CNTN6: variants seen among roughly 807,000 people sequenced by gnomAD.
CNTN6 encodes contactin 6, also known as contactin-6.
CNTN6 carries 137 observed loss-of-function variants against 122.8 expected under a neutral mutation model. The observed-to-expected ratio is 1.12, with a 90% CI of 0.97 to 1.29. CNTN6 has a LOEUF of 1.29. Among genes scored for constraint, CNTN6 ranks in the 50% most tolerant of loss-of-function variants. The pLI is 0.00. For missense variants in CNTN6, 1,634 were observed against 1,223.4 expected (o/e 1.34, Z -5.01); for synonymous variants, 570 against 426.0 (o/e 1.34, Z -4.16).
In CNTN6 at chr3:1,403,454, A is replaced by AT; in HGVS notation, c.*36_*37insT. ...CATAAATCTTTGAGAGTTTTTTGAAAGCAAATCATTCTGTATATATGCTCT... is the reference window on the plus strand; with the variant it reads ...CATAAATCTTTGAGAGTTTTTTGAAATGCAAATCATTCTGTATATATGCTCT... On this transcript the variant is annotated 3_prime_UTR_variant, in exon 23 of 23. Coordinates refer to ENST00000446702, the MANE Select transcript of CNTN6 (RefSeq NM_001289080.2). The AT allele has an allele frequency of 7.2e-7, 1 of 1,394,980 alleles. No homozygotes were observed. The highest frequency in any genetic ancestry group is 1.2e-5 in the South Asian group (1 of 86,028). 86.4% of individuals were successfully genotyped at this position (1,394,980 alleles called of 1,614,324 possible).
rs757522933 is a variant in CNTN6, at chr3:1,372,332, T to C, written c.1526T>C (p.Met509Thr). The C allele has an allele frequency of 5.6e-6, 9 of 1,610,794 alleles. No homozygotes were observed. Among genetic ancestry groups the C allele is most frequent in the Non-Finnish European group, 7.6e-6 (9 of 1,178,704 alleles). The change falls in exon 13 of 23, where the codon ATG becomes ACG. Residue 509 changes from methionine to threonine, a missense_variant. Coordinates refer to ENST00000446702, the MANE Select transcript of CNTN6 (RefSeq NM_001289080.2). ...RTVITVPPSK[M>T]DVTVGESIVL... ...GTCATTACCGTCCCACCTTCCAAAA[T>C]GGATGTTACAGTTGGCGAGAGTATA...
chr3:1,335,748 G>T (rs1054173860), intron 11 of CNTN6, among the ~76,000 whole-genome samples: 2 of 152,138 alleles, frequency 1.3e-5, no homozygotes, highest in Non-Finnish European at 2.9e-5. Context: ...ATTGAATCTG[G>T]TTGGGTGCAG....
At chr3:1,247,109 T>G (rs1014975391) in intron 4 of CNTN6, among the ~76,000 whole-genome samples, 11 of 152,222 alleles carry the variant, frequency 7.2e-5, no homozygotes, top group African/African-American at 2.7e-4. Flanking sequence ...CATATTTTCC[T>G]GTTATCTTCT....
At chr3:1,317,348 C>A (rs1325769346) in intron 7 of CNTN6, among the ~76,000 whole-genome samples, 1 of 151,734 alleles carries the variant, frequency 6.6e-6, no homozygotes, top group African/African-American at 2.4e-5. Context: ...ACCTAGCTAG[C>A]ATTTGAACTG....
intron 12 of CNTN6, among the ~76,000 whole-genome samples, chr3:1,359,032 C>G (rs1343453960): frequency 6.6e-6 from 1 of 151,982 alleles, no homozygotes; most frequent in Non-Finnish European, 1.5e-5. Flanking sequence ...TGTACTCCAG[C>G]CTAGGCAATA....
intron 2 of CNTN6, among the ~76,000 whole-genome samples, chr3:1,183,028 G>T (rs138191053): frequency 6.6e-6 from 1 of 151,982 alleles, no homozygotes; most frequent in African/African-American, 2.4e-5. Context: ...GCATAATTCC[G>T]CAGGCATGGC....
intron 4 of CNTN6, among the ~76,000 whole-genome samples, chr3:1,266,185 G>A (rs1289008128): frequency 6.6e-6 from 1 of 151,914 alleles, no homozygotes; most frequent in Non-Finnish European, 1.5e-5. Context: ...TTATTTAATA[G>A]TCTCTCTTTC....
At chr3:1,369,000 C>T (rs1008815001) in intron 12 of CNTN6, among the ~76,000 whole-genome samples, 2 of 152,172 alleles carry the variant, frequency 1.3e-5, no homozygotes, top group African/African-American at 2.4e-5. Context: ...TCATCTTCTT[C>T]GCTTTCACTC....
intron 5 of CNTN6, among the ~76,000 whole-genome samples, chr3:1,287,395 A>T (rs1365852665): frequency 6.6e-6 from 1 of 152,206 alleles, no homozygotes; most frequent in Non-Finnish European, 1.5e-5. Flanking sequence ...AACTATCCTT[A>T]GTTGAAAACC....
intron 2 of CNTN6, among the ~76,000 whole-genome samples, chr3:1,152,816 C>G (rs9883743): frequency 9.1e-4 from 139 of 152,200 alleles, no homozygotes; most frequent in African/African-American, 3.2e-3. Flanking sequence ...AGAGATAGCA[C>G]AATTTTATCT....
chr3:1,249,297 G>A (rs541029343), intron 4 of CNTN6, among the ~76,000 whole-genome samples: 1 of 152,208 alleles, frequency 6.6e-6, no homozygotes, highest in South Asian at 2.1e-4. Flanking sequence ...TCCAAACAAT[G>A]CATATTTATT....
intron 5 of CNTN6, among the ~76,000 whole-genome samples, chr3:1,280,370 C>T (rs780227498): frequency 6.7e-6 from 1 of 149,838 alleles, no homozygotes; most frequent in Admixed American, 6.7e-5. Context: ...AAAATTAAGT[C>T]ACACATTTAC....
chr3:1,330,899 C>T (rs265769), intron 11 of CNTN6, among the ~76,000 whole-genome samples: 22,405 of 151,816 alleles, frequency 0.15, 1,751 homozygotes, highest in Middle Eastern at 0.17. Flanking sequence ...CAACTGGTTG[C>T]CTTGCGGGAA....
intron 2 of CNTN6, among the ~76,000 whole-genome samples, chr3:1,163,927 G>A (rs2093189853): frequency 6.6e-6 from 1 of 152,174 alleles, no homozygotes; most frequent in Non-Finnish European, 1.5e-5. Flanking sequence ...GGTAAACATT[G>A]AAGAGCAGGG....
At chr3:1,374,648 G>A (rs562796867) in intron 16 of CNTN6, among the ~76,000 whole-genome samples, 57 of 152,124 alleles carry the variant, frequency 3.7e-4, no homozygotes, top group African/African-American at 1.3e-3. Context: ...TCTTTTCAAT[G>A]GATCCTCTTT....
chr3:1,157,405 C>T (rs1278217816), intron 2 of CNTN6, among the ~76,000 whole-genome samples: 3 of 151,642 alleles, frequency 2.0e-5, no homozygotes, highest in Non-Finnish European at 1.5e-5. Context: ...TTAGTAGAGA[C>T]GGGGCTTCAC....
chr3:1,398,245 T>C (rs1695229486), intron 20 of CNTN6, among the ~76,000 whole-genome samples: 1 of 152,146 alleles, frequency 6.6e-6, no homozygotes, highest in African/African-American at 2.4e-5. Context: ...ACCAGAACTG[T>C]TAACAGTACT....
At chr3:1,218,160 A>G (rs965115754) in intron 2 of CNTN6, among the ~76,000 whole-genome samples, 1 of 151,948 alleles carries the variant, frequency 6.6e-6, no homozygotes, top group Non-Finnish European at 1.5e-5. Flanking sequence ...GCAGAGCCCA[A>G]GTAAGGTGAG....
At chr3:1,314,697 A>C (rs1388358756) in intron 7 of CNTN6, among the ~76,000 whole-genome samples, 1 of 152,082 alleles carries the variant, frequency 6.6e-6, no homozygotes, top group Non-Finnish European at 1.5e-5. Context: ...GCATAAAGAC[A>C]TGACAGGATG....
Sources: gnomAD v4.1 joint callset for allele counts (sites outside exome capture counted in the v4.1 genomes callset) on GRCh38, gnomAD v4.1.1 for gene constraint, MANE v1.5 for transcripts, NCBI Gene and HGNC (gene_info 2026-07-23, HGNC 2026-07-21) for gene names.